CRYM: variants seen among roughly 807,000 people sequenced by gnomAD.
CRYM encodes the protein crystallin mu.
In CRYM, 18 loss-of-function variants were observed where a neutral mutation model predicts 32.9. That is an observed-to-expected ratio of 0.55 (90% confidence interval 0.38 to 0.81). The LOEUF (loss-of-function observed/expected upper bound fraction) is 0.81, where lower values mean the gene tolerates loss of function less well. CRYM is among the 30% of genes least tolerant of loss of function. The pLI, the probability that CRYM is intolerant of heterozygous loss-of-function variation, is 0.00. For synonymous variants in CRYM, 153 were observed against 152.4 expected (o/e 1.00, Z -0.03); for missense variants, 337 against 393.5 (o/e 0.86, Z 1.21).
chr16:21,286,646 T>C (rs997557957), intron 1 of CRYM, among the ~76,000 whole-genome samples: 3 of 152,212 alleles, frequency 2.0e-5, no homozygotes, highest in African/African-American at 7.2e-5. Flanking sequence ...TCTTACAATT[T>C]TGGAACATAC....
At chr16:21,293,726 A>G (rs1258713059) in intron 1 of CRYM, among the ~76,000 whole-genome samples, 1 of 152,214 alleles carries the variant, frequency 6.6e-6, no homozygotes, top group Non-Finnish European at 1.5e-5. Flanking sequence ...ATTCCCTTAG[A>G]AAAAGTTCTA....
At chr16:21,280,155 G>A (rs772342887), upstream of CRYM, among the ~76,000 whole-genome samples, 3 of 152,146 alleles carry the variant, frequency 2.0e-5, no homozygotes, top group Admixed American at 6.5e-5. Context: ...CCAAGTGGGT[G>A]GATTACCTGA....
intron 4 of CRYM, 100 bp from the exon 5 acceptor site, chr16:21,267,837 TA>T: frequency 8.8e-7 from 1 of 1,132,380 alleles, no homozygotes; most frequent in Non-Finnish European, 1.3e-6. Flanking sequence ...TACTCTGGCA[TA>T]GGGGTCAGTG....
At chr16:21,275,854 A>G (rs781248841) in intron 2 of CRYM, among the ~76,000 whole-genome samples, 1 of 152,200 alleles carries the variant, frequency 6.6e-6, no homozygotes, top group Non-Finnish European at 1.5e-5. Context: ...GATTAAATGC[A>G]CTGGCATATC....
intron 5 of CRYM, among the ~76,000 whole-genome samples, chr16:21,263,428 C>T (rs925263390): frequency 6.6e-6 from 1 of 152,178 alleles, no homozygotes; most frequent in South Asian, 2.1e-4. Context: ...AAACTCACCA[C>T]AGCCTCAAAC....
At chr16:21,269,997 C>T (rs745621421) in intron 3 of CRYM, 106 bp from the exon 4 acceptor site, 24 of 763,488 alleles carry the variant, frequency 3.1e-5, no homozygotes, top group Admixed American at 5.8e-5. Context: ...TCTTCTGCCT[C>T]CCTCAAGAGC....
upstream of CRYM, chr16:21,279,070 T>A (rs1259292611): frequency 1.3e-5 from 2 of 152,198 alleles, no homozygotes; most frequent in East Asian, 3.8e-4. Context: ...AAAAGAGAGA[T>A]GATTTTGACC....
At chr16:21,260,204 G>A (rs1202571943) in intron 7 of CRYM, among the ~76,000 whole-genome samples, 2 of 152,162 alleles carry the variant, frequency 1.3e-5, no homozygotes, top group Non-Finnish European at 2.9e-5. Flanking sequence ...GTCATGAGAG[G>A]GGGACAGAGG....
intron 1 of CRYM, among the ~76,000 whole-genome samples, chr16:21,299,366 T>C (rs1960854112): frequency 6.6e-6 from 1 of 152,050 alleles, no homozygotes; most frequent in African/African-American, 2.4e-5. Flanking sequence ...TGGAGTTGAG[T>C]GGCGTGATCT....
chr16:21,267,853 TCTAAATCACTC>T, intron 4 of CRYM, 116 bp from the exon 5 acceptor site: 2 of 934,634 alleles, frequency 2.1e-6, no homozygotes, highest in Non-Finnish European at 3.4e-6. Flanking sequence ...TCAGTGGTTA[TCTAAATCACTC>T]CTAAATCATT....
At chr16:21,261,512 C>G in intron 6 of CRYM, 174 bp from the exon 7 acceptor site, 1 of 633,754 alleles carries the variant, frequency 1.6e-6, no homozygotes, top group East Asian at 2.7e-5. Flanking sequence ...GAGGCTGGCC[C>G]CGAAATCCTT....
chr16:21,283,752 C>G (rs777244559), intron 1 of CRYM: 2 of 147,408 alleles, frequency 1.4e-5, no homozygotes, highest in Non-Finnish European at 2.9e-5. Context: ...CCCCACACTC[C>G]GTCCCCGGCT....
At chr16:21,264,222 A>G (rs2093359730) in intron 5 of CRYM, among the ~76,000 whole-genome samples, 1 of 142,862 alleles carries the variant, frequency 7.0e-6, no homozygotes. Flanking sequence ...AGAGTTCTAT[A>G]GAACAAAAGC....
intron 5 of CRYM, among the ~76,000 whole-genome samples, chr16:21,267,125 T>C (rs1218043193): frequency 6.6e-6 from 1 of 152,064 alleles, no homozygotes; most frequent in Non-Finnish European, 1.5e-5. Context: ...TAAGACAGAG[T>C]CTCTCTCTGT....
At chr16:21,260,944 T>G in intron 7 of CRYM, 2 of 446,502 alleles carry the variant, frequency 4.5e-6, no homozygotes, top group Non-Finnish European at 8.3e-6. Flanking sequence ...ACCGAACTGA[T>G]TCATTTTATA....
At chr16:21,278,458 C>CCAAGCAACGGA (rs1597622313), upstream of CRYM, 14 of 614,742 alleles carry the variant, frequency 2.3e-5, no homozygotes, top group East Asian at 3.8e-4. Flanking sequence ...AGATGGGTCC[C>CCAAGCAACGGA]TTCCAGCAAC....
rs570201340 is a variant in CRYM at position 21,277,300 on chromosome 16, C to T, written c.324+131G>A. 7.5e-6 allele frequency: 7 copies of T among 929,854 alleles called. No homozygotes were observed. In the African/African-American group the frequency reaches 9.7e-5, roughly 13 times the overall value. 57.6% of individuals were successfully genotyped at this position (929,854 alleles called of 1,614,324 possible). On this transcript the variant is annotated intron_variant, in intron 2 of 7. Transcript: ENST00000572914. The surrounding 1 kb of genome is among the most constrained non-coding windows in gnomAD (Gnocchi z 4.2). ...TGGACACAGATAACCTTCACTGTTGCTGGTATCCAGTCACTTGCAGAGGGG... is the reference window on the plus strand; with the variant it reads ...TGGACACAGATAACCTTCACTGTTGTTGGTATCCAGTCACTTGCAGAGGGG...
At chr16:21,299,152 T>C (rs1960847103) in intron 1 of CRYM, among the ~76,000 whole-genome samples, 1 of 152,170 alleles carries the variant, frequency 6.6e-6, no homozygotes, top group Non-Finnish European at 1.5e-5. Flanking sequence ...TTGTTATTAA[T>C]CTTGTTCTTA....
intron 3 of CRYM, among the ~76,000 whole-genome samples, 188 bp from the exon 4 acceptor site, chr16:21,270,079 G>T (rs530605596): frequency 6.6e-6 from 1 of 152,084 alleles, no homozygotes; most frequent in South Asian, 2.1e-4. Context: ...AAGGAAGAAG[G>T]CTTCACTGAA....
Sources: allele counts gnomAD v4.1 joint callset (sites outside exome capture counted in the v4.1 genomes callset), GRCh38; gene constraint gnomAD v4.1.1; non-coding constraint Gnocchi (gnomAD v3.1); transcripts MANE v1.5; gene names NCBI Gene and HGNC (gene_info 2026-07-23, HGNC 2026-07-21).